The following COL13A1 variants were observed in gnomAD, a reference collection of about 807,000 sequenced individuals.
COL13A1 encodes the protein collagen alpha-1(XIII) chain.
Under a neutral mutation model 130.9 loss-of-function variants are expected in COL13A1, and 89 were observed. That is an observed-to-expected ratio of 0.68 (90% CI 0.57 to 0.81). The LOEUF (loss-of-function observed/expected upper bound fraction) is 0.81. COL13A1 is among the 30% of genes least tolerant of loss of function. COL13A1 has a pLI of 0.00. For synonymous variants in COL13A1, 402 were observed against 341.6 expected (o/e 1.18, Z -1.95); for missense variants, 879 against 934.6 (o/e 0.94, Z 0.78).
At chr10:69,866,739 G>C (rs1335368502) in intron 2 of COL13A1, among the ~76,000 whole-genome samples, 3 of 152,172 alleles carry the variant, frequency 2.0e-5, no homozygotes, top group Non-Finnish European at 2.9e-5. Context: ...GAAAGAGGCT[G>C]TTTCCTCCTG....
intron 12 of COL13A1, 46 bp downstream of exon 12, chr10:69,894,747 C>T: frequency 1.2e-6 from 2 of 1,611,812 alleles, no homozygotes; most frequent in Non-Finnish European, 1.7e-6. Flanking sequence ...CAGGAAATGG[C>T]CTCCCAGTTG....
chr10:69,817,144 G>A (rs1257323338), intron 1 of COL13A1, among the ~76,000 whole-genome samples: 1 of 152,128 alleles, frequency 6.6e-6, no homozygotes, highest in Non-Finnish European at 1.5e-5. Flanking sequence ...AGGTGTGGCA[G>A]AGATCATGTG....
chr10:69,835,298 A>G (rs555795845), intron 2 of COL13A1, among the ~76,000 whole-genome samples: 1 of 152,250 alleles, frequency 6.6e-6, no homozygotes, highest in Non-Finnish European at 1.5e-5. Flanking sequence ...AGCAAGTGGG[A>G]AGAGCCCGCG....
At chr10:69,900,442 G>A (rs1333873775) in intron 14 of COL13A1, among the ~76,000 whole-genome samples, 3 of 152,182 alleles carry the variant, frequency 2.0e-5, no homozygotes, top group African/African-American at 4.8e-5. Context: ...AGCAAGAGGT[G>A]GTGAAGCCAG....
At position 69,895,570 on chromosome 10, in the gene COL13A1, A is replaced by T. The variant is rs1473465458; in HGVS notation, c.678A>T (p.Pro226=). The T allele has an allele frequency of 6.2e-7, 1 of 1,613,736 alleles. No individual in the cohort carries two copies. Among genetic ancestry groups the T allele is most frequent in the South Asian group, 1.1e-5 (1 of 91,072 alleles). ...KGEKGQCGEY[P]HRLLPLLNSV... Reference sequence around the variant, plus strand: ...CCCAGGGTCAGTGTGGAGAGTACCCACACCGGGTAAGTGAACCCCTAAAAT... The same window carrying T: ...CCCAGGGTCAGTGTGGAGAGTACCCTCACCGGGTAAGTGAACCCCTAAAAT... Residue 226 remains proline, a synonymous_variant, in exon 13 of 41, where the codon CCA becomes CCT. Transcript: ENST00000645393.
At chr10:69,849,891 AG>A (rs1371254206) in intron 2 of COL13A1, among the ~76,000 whole-genome samples, 1 of 152,234 alleles carries the variant, frequency 6.6e-6, no homozygotes, top group Non-Finnish European at 1.5e-5. Flanking sequence ...CCCCACGGCC[AG>A]CTCCCGAGTA....
chr10:69,823,192 T>C (rs1418778711), intron 2 of COL13A1, among the ~76,000 whole-genome samples: 1 of 152,226 alleles, frequency 6.6e-6, no homozygotes, highest in Non-Finnish European at 1.5e-5. Flanking sequence ...ATGCAGTGTG[T>C]CGGGTTCAAG....
At chr10:69,925,127 C>A in intron 25 of COL13A1, 120 bp downstream of exon 25, 1 of 1,006,824 alleles carries the variant, frequency 9.9e-7, no homozygotes, top group Non-Finnish European at 1.4e-6. Flanking sequence ...GGCACGTGCC[C>A]AAGAGACAGG....
intron 2 of COL13A1, among the ~76,000 whole-genome samples, chr10:69,826,010 C>T (rs1193093456): frequency 6.6e-6 from 1 of 152,156 alleles, no homozygotes. Flanking sequence ...AGGTGTGGGC[C>T]ATTTGCACAG....
chr10:69,936,859 C>T (rs530745287), intron 33 of COL13A1, 77 bp downstream of exon 33: 5 of 1,581,116 alleles, frequency 3.2e-6, no homozygotes, highest in East Asian at 2.2e-5. Flanking sequence ...ACCAGCTGAC[C>T]CTTTTTCCTA....
chr10:69,932,014 C>T (rs1486224315), intron 30 of COL13A1, among the ~76,000 whole-genome samples: 1 of 152,094 alleles, frequency 6.6e-6, no homozygotes, highest in Non-Finnish European at 1.5e-5. Context: ...CTCCTAGAGG[C>T]CACCTACAGT....
chr10:69,945,844 G>A (rs143542816), intron 37 of COL13A1, 120 bp downstream of exon 37: 27 of 1,253,908 alleles, frequency 2.2e-5, no homozygotes, highest in South Asian at 5.3e-5. Context: ...AGGCCGAGGC[G>A]GGCGCATCAC....
At chr10:69,831,874 G>A (rs1251328892) in intron 2 of COL13A1, among the ~76,000 whole-genome samples, 1 of 152,188 alleles carries the variant, frequency 6.6e-6, no homozygotes, top group East Asian at 1.9e-4. Context: ...ACTGTGGATG[G>A]GTTACTCTCT....
rs574915121 is a variant in COL13A1 at position 69,876,903 on chromosome 10, A to C, written c.436-1136A>C. ...GACAGGCCCACAGGGAAGGCTGCAAAATGCAAAGTGGCAGCTCTGGGCCTT... is the reference window on the plus strand; with the variant it reads ...GACAGGCCCACAGGGAAGGCTGCAACATGCAAAGTGGCAGCTCTGGGCCTT... On this transcript the variant is annotated intron_variant, in intron 5 of 40. Transcript: ENST00000645393. Among the ~76,000 whole-genome samples the C allele has an allele frequency of 2.0e-5, 3 of 152,180 alleles. No homozygotes were observed. The South Asian group carries it at 6.2e-4, about 32-fold the overall frequency.
At chr10:69,950,193 G>C (rs1014853777) in intron 38 of COL13A1, among the ~76,000 whole-genome samples, 2 of 151,978 alleles carry the variant, frequency 1.3e-5, no homozygotes, top group Non-Finnish European at 2.9e-5. Flanking sequence ...TCCACTGTTA[G>C]ACATTTACTT....
chr10:69,829,371 T>A, intron 2 of COL13A1: 1 of 630,422 alleles, frequency 1.6e-6, no homozygotes, highest in Non-Finnish European at 2.0e-6. Flanking sequence ...CCTAAATCCC[T>A]AACACAGCTT....
intron 7 of COL13A1, 157 bp from the exon 8 acceptor site, chr10:69,887,299 T>G: frequency 1.4e-6 from 1 of 710,378 alleles, no homozygotes; most frequent in Non-Finnish European, 2.4e-6. Context: ...TTCATCTTTC[T>G]CCATCTTCCC....
intron 31 of COL13A1, among the ~76,000 whole-genome samples, chr10:69,934,798 G>A (rs1028944183): frequency 6.6e-6 from 1 of 152,244 alleles, no homozygotes; most frequent in South Asian, 2.1e-4. Context: ...TTGGGGACTT[G>A]AGGAGCAATC....
rs766755149 is a variant in COL13A1 at position 69,822,472 on chromosome 10, T to C, written c.364+34T>C. ...CCCTGCAAATAGGTGACCGCGGATG[T>C]TCCTAAGACTGAGACCAGAGGCTCT... On this transcript the variant is annotated intron_variant, in intron 2 of 40. Transcript: ENST00000645393. 4.6e-6 allele frequency: 7 copies of C among 1,509,334 alleles called. No homozygotes were observed. The Admixed American group carries it at 1.5e-4, about 32-fold the overall frequency. The allele number at this position is 1,509,334 out of a possible 1,614,324, so 93.5% of individuals were successfully genotyped here.
Sources: gnomAD v4.1 joint callset for allele counts (sites outside exome capture counted in the v4.1 genomes callset) on GRCh38, gnomAD v4.1.1 for gene constraint, MANE v1.5 for transcripts, NCBI Gene and HGNC (gene_info 2026-07-23, HGNC 2026-07-21) for gene names.